The following CHST9 variants were observed in gnomAD, a reference collection of about 807,000 sequenced individuals.
CHST9 encodes the protein GalNAc-4-sulfotransferase 2.
CHST9 carries 41 observed loss-of-function variants against 44.4 expected under a neutral mutation model. The ratio of observed to expected loss-of-function variants is 0.92; its 90% CI spans 0.72 to 1.20. The LOEUF (loss-of-function observed/expected upper bound fraction) is 1.20. Among genes scored for constraint, CHST9 ranks in the 50% most tolerant of loss-of-function variants. The probability of loss-of-function intolerance (pLI) is 0.00; values close to 1 mark genes in which losing one functional copy is unlikely to be tolerated. For missense variants in CHST9, 504 were observed against 516.5 expected (o/e 0.98, Z 0.23); for synonymous variants, 171 against 178.4 (o/e 0.96, Z 0.33).
chr18:27,132,097 C>T (rs1300549965), intron 2 of CHST9, among the ~76,000 whole-genome samples: 3 of 152,182 alleles, frequency 2.0e-5, no homozygotes, highest in East Asian at 3.9e-4. Context: ...TTACCCTGGG[C>T]TCTGGTCACT....
At chr18:27,171,465 G>A (rs1479726329) in intron 1 of CHST9, among the ~76,000 whole-genome samples, 1 of 152,040 alleles carries the variant, frequency 6.6e-6, no homozygotes, top group African/African-American at 2.4e-5. Context: ...ATGAAAATAC[G>A]AAACATAATA....
At chr18:26,934,091 G>A (rs1221307513) in intron 5 of CHST9, among the ~76,000 whole-genome samples, 2 of 152,266 alleles carry the variant, frequency 1.3e-5, no homozygotes, top group African/African-American at 2.4e-5. Context: ...GAGTGCGAAC[G>A]GCCCAAGATG....
intron 3 of CHST9, among the ~76,000 whole-genome samples, chr18:27,028,257 T>C (rs2057303862): frequency 6.6e-6 from 1 of 152,196 alleles, no homozygotes; most frequent in Non-Finnish European, 1.5e-5. Flanking sequence ...ATTGAGTCTT[T>C]ACAAAACATT....
At chr18:26,966,860 T>G (rs1154214) in intron 4 of CHST9, among the ~76,000 whole-genome samples, 95,384 of 147,518 alleles carry the variant, frequency 0.65, 31,030 homozygotes, top group African/African-American at 0.74. Context: ...AAGAAAACAA[T>G]ACTTAATTAT....
chr18:26,969,124 AAGT>A (rs2056504769), intron 4 of CHST9, among the ~76,000 whole-genome samples: 1 of 151,270 alleles, frequency 6.6e-6, no homozygotes. Context: ...TCAGCCTCCC[AAGT>A]AGTTGGGACT....
chr18:26,939,887 T>C (rs988419467), intron 5 of CHST9, among the ~76,000 whole-genome samples: 1 of 152,146 alleles, frequency 6.6e-6, no homozygotes, highest in African/African-American at 2.4e-5. Context: ...TGATTCCAGA[T>C]TACCAGGAGG....
At chr18:27,013,757 T>C (rs1598639323) in intron 4 of CHST9, among the ~76,000 whole-genome samples, 1 of 152,248 alleles carries the variant, frequency 6.6e-6, no homozygotes, top group East Asian at 1.9e-4. Context: ...AATTTCATTT[T>C]AAAGTTCTAA....
At chr18:27,040,052 A>G (rs1477130863) in intron 3 of CHST9, among the ~76,000 whole-genome samples, 1 of 152,172 alleles carries the variant, frequency 6.6e-6, no homozygotes, top group Non-Finnish European at 1.5e-5. Context: ...TCTGACTGAC[A>G]AGTACAGATT....
intron 4 of CHST9, among the ~76,000 whole-genome samples, chr18:26,976,006 C>T (rs998556346): frequency 3.3e-5 from 5 of 151,442 alleles, no homozygotes; most frequent in Non-Finnish European, 5.9e-5. Context: ...CCAGTGAGCC[C>T]GAGCAATCTT....
intron 4 of CHST9, among the ~76,000 whole-genome samples, chr18:26,960,982 T>C (rs896247573): frequency 1.5e-4 from 23 of 152,240 alleles, no homozygotes; most frequent in African/African-American, 5.3e-4. Context: ...ATGGCTAGTA[T>C]TCAGTAAGCG....
At chr18:26,996,599 G>A (rs1372704540) in intron 4 of CHST9, among the ~76,000 whole-genome samples, 3 of 152,166 alleles carry the variant, frequency 2.0e-5, no homozygotes, top group Non-Finnish European at 2.9e-5. Context: ...TGGAGAGGCT[G>A]CAAGGCAGGA....
chr18:27,055,916 C>G (rs7232728), intron 2 of CHST9, among the ~76,000 whole-genome samples: 118,497 of 151,858 alleles, frequency 0.78, 46,356 homozygotes, highest in African/African-American at 0.81. Context: ...TGTGCTTTTT[C>G]TTCTCACCTC....
intron 1 of CHST9, among the ~76,000 whole-genome samples, chr18:27,144,006 T>C (rs1307403405): frequency 6.6e-6 from 1 of 152,164 alleles, no homozygotes; most frequent in African/African-American, 2.4e-5. Flanking sequence ...AAAGAATCCC[T>C]GTTCCCAATG....
At chr18:27,098,347 T>C (rs1410013486) in intron 2 of CHST9, among the ~76,000 whole-genome samples, 1 of 152,120 alleles carries the variant, frequency 6.6e-6, no homozygotes, top group African/African-American at 2.4e-5. Context: ...GGAATGCTTT[T>C]ACACTGTTGG....
intron 3 of CHST9, among the ~76,000 whole-genome samples, chr18:27,040,914 G>A (rs2057437995): frequency 6.6e-6 from 1 of 152,074 alleles, no homozygotes; most frequent in South Asian, 2.1e-4. Context: ...GAGGATCTCT[G>A]ATATTCTATT....
At chr18:26,951,696 T>C (rs2145131770) in intron 4 of CHST9, among the ~76,000 whole-genome samples, 1 of 152,316 alleles carries the variant, frequency 6.6e-6, no homozygotes, top group African/African-American at 2.4e-5. Context: ...ATCTTTTGTT[T>C]TAATAAATAA....
intron 3 of CHST9, among the ~76,000 whole-genome samples, chr18:27,038,086 A>G (rs1223720212): frequency 1.3e-5 from 2 of 152,208 alleles, no homozygotes; most frequent in African/African-American, 2.4e-5. Context: ...CTATGGGGTT[A>G]TATTTAAAAA....
At chr18:26,944,298 ATAT>A (rs2056129565) in intron 5 of CHST9, 28 bp downstream of exon 5, 2 of 1,555,116 alleles carry the variant, frequency 1.3e-6, no homozygotes, top group Non-Finnish European at 1.8e-6. Context: ...ACAAAATTCT[ATAT>A]TAGAGTTTAC....
At chr18:27,180,325 A>G (rs1218104137) in intron 1 of CHST9, among the ~76,000 whole-genome samples, 1 of 152,106 alleles carries the variant, frequency 6.6e-6, no homozygotes, top group Non-Finnish European at 1.5e-5. Context: ...CATTACTTTT[A>G]TTTTATTAGT....
Sources: gnomAD v4.1 joint callset for allele counts (sites outside exome capture counted in the v4.1 genomes callset) on GRCh38, gnomAD v4.1.1 for gene constraint, MANE v1.5 for transcripts, NCBI Gene and HGNC (gene_info 2026-07-23, HGNC 2026-07-21) for gene names.